RANBP2: variants seen among roughly 807,000 people sequenced by gnomAD.
The protein encoded by RANBP2 is RAN binding protein 2, also known as E3 SUMO-protein ligase RanBP2.
A neutral mutation model predicts 303.6 loss-of-function variants in RANBP2; 57 were observed. The observed-to-expected ratio is 0.19, with a 90% CI of 0.15 to 0.23. The LOEUF is 0.23. RANBP2 is among the 10% of genes least tolerant of loss of function. The pLI, the probability that RANBP2 is intolerant of heterozygous loss-of-function variation, is 1.00. For missense variants in RANBP2, 3,138 were observed against 3,780.8 expected (o/e 0.83, Z 4.46); for synonymous variants, 1,167 against 1,301.5 (o/e 0.90, Z 2.23).
At chr2:109,232,145 G>A in the RANBP2 span, among the ~76,000 whole-genome samples, 1 of 152,176 alleles carries the variant, frequency 6.6e-6, no homozygotes, top group African/African-American at 2.4e-5. Context: ...TCTTGTAGTG[G>A]AATGACCAGA....
chr2:109,547,966 T>C, the RANBP2 span, among the ~76,000 whole-genome samples: 22 of 152,254 alleles, frequency 1.4e-4, no homozygotes, highest in African/African-American at 5.1e-4. Flanking sequence ...GGGAGCAACG[T>C]CTCCCTGAGG....
At chr2:108,824,969 G>C in the RANBP2 span, among the ~76,000 whole-genome samples, 1 of 152,190 alleles carries the variant, frequency 6.6e-6, no homozygotes, top group African/African-American at 2.4e-5. Flanking sequence ...GAATGAAATT[G>C]AGTTGTTTCA....
At chr2:109,651,508 A>T in the RANBP2 span, among the ~76,000 whole-genome samples, 1 of 152,214 alleles carries the variant, frequency 6.6e-6, no homozygotes, top group African/African-American at 2.4e-5. Flanking sequence ...GTTGGCACCA[A>T]CAAGAAATAG....
At chr2:109,070,292 T>C in the RANBP2 span, among the ~76,000 whole-genome samples, 1 of 152,194 alleles carries the variant, frequency 6.6e-6, no homozygotes, top group African/African-American at 2.4e-5. Flanking sequence ...TGGGAAGTCA[T>C]TGAAATATTT....
chr2:108,973,906 A>G, the RANBP2 span, among the ~76,000 whole-genome samples: 1 of 152,216 alleles, frequency 6.6e-6, no homozygotes, highest in Admixed American at 6.5e-5. Flanking sequence ...CAAGGCTCTT[A>G]CCCATTTTAA....
chr2:109,249,489 C>CTT, the RANBP2 span, among the ~76,000 whole-genome samples: 4 of 22,510 alleles, frequency 1.8e-4, no homozygotes, highest in African/African-American at 1.5e-3. Flanking sequence ...TTCTTTCTTT[C>CTT]TTTCTTTCTT....
At chr2:109,110,236 A>G in the RANBP2 span, among the ~76,000 whole-genome samples, 8 of 152,244 alleles carry the variant, frequency 5.3e-5, no homozygotes, top group East Asian at 1.5e-3. Flanking sequence ...AGTAAATAGG[A>G]GGCATTGTTT....
chr2:109,657,720 T>G, the RANBP2 span, among the ~76,000 whole-genome samples: 1 of 141,580 alleles, frequency 7.1e-6, no homozygotes, highest in Non-Finnish European at 1.5e-5. Context: ...CTGAGTTTTT[T>G]TTTTTTTTTT....
the RANBP2 span, among the ~76,000 whole-genome samples, chr2:109,081,898 G>A: frequency 1.3e-5 from 2 of 152,228 alleles, no homozygotes; most frequent in Admixed American, 6.5e-5. Context: ...ACTGGGGGAT[G>A]GCCAGCTGTT....
chr2:109,666,937 T>C, the RANBP2 span, among the ~76,000 whole-genome samples: 1 of 152,208 alleles, frequency 6.6e-6, no homozygotes, highest in Non-Finnish European at 1.5e-5. Context: ...TATTTGTTCC[T>C]CTGCCTAGAA....
the RANBP2 span, chr2:109,613,980 C>T: frequency 1.7e-6 from 2 of 1,172,098 alleles, no homozygotes; most frequent in South Asian, 8.5e-5. Flanking sequence ...GGGGCGGGGC[C>T]GAGCTGGAGG....
chr2:109,516,996 G>A, the RANBP2 span, among the ~76,000 whole-genome samples: 1 of 152,134 alleles, frequency 6.6e-6, no homozygotes, highest in Non-Finnish European at 1.5e-5. Flanking sequence ...TTCGGGTAAG[G>A]GTGATCGCAG....
At chr2:109,184,443 G>A in the RANBP2 span, among the ~76,000 whole-genome samples, 1 of 152,196 alleles carries the variant, frequency 6.6e-6, no homozygotes, top group South Asian at 2.1e-4. Context: ...TATTGCTGTG[G>A]CGGGGCCCTG....
the RANBP2 span, among the ~76,000 whole-genome samples, chr2:109,069,510 C>A: frequency 1.3e-5 from 2 of 152,224 alleles, no homozygotes; most frequent in African/African-American, 4.8e-5. Flanking sequence ...TGAATGGCCT[C>A]TCCTGACAGA....
chr2:108,962,173 T>C, the RANBP2 span, among the ~76,000 whole-genome samples: 1 of 152,146 alleles, frequency 6.6e-6, no homozygotes, highest in Non-Finnish European at 1.5e-5. Context: ...TTCCTTAGGG[T>C]TCCCTGATGG....
At chr2:109,129,620 C>A in the RANBP2 span, 1 of 1,490,320 alleles carries the variant, frequency 6.7e-7, no homozygotes, top group Admixed American at 2.2e-5. Flanking sequence ...GAGGACAGGC[C>A]AGGCGAGCGA....
At chr2:108,726,254 C>T (rs1431971779) in intron 1 of RANBP2, among the ~76,000 whole-genome samples, 5 of 152,154 alleles carry the variant, frequency 3.3e-5, no homozygotes, top group Non-Finnish European at 7.3e-5. Context: ...GCTCGCCACC[C>T]GCTAGTTACA....
the RANBP2 span, among the ~76,000 whole-genome samples, chr2:109,492,426 T>G: frequency 6.6e-6 from 1 of 152,116 alleles, no homozygotes; most frequent in African/African-American, 2.4e-5. Context: ...GGAAGTCGCA[T>G]GTACACCTGC....
the RANBP2 span, among the ~76,000 whole-genome samples, chr2:109,086,607 T>C: frequency 6.6e-6 from 1 of 152,116 alleles, no homozygotes; most frequent in Non-Finnish European, 1.5e-5. Context: ...CTGCAACCTT[T>C]GTAAAGTGCA....
Sources: gnomAD v4.1 joint callset for allele counts (sites outside exome capture counted in the v4.1 genomes callset) on GRCh38, gnomAD v4.1.1 for gene constraint, MANE v1.5 for transcripts, NCBI Gene and HGNC (gene_info 2026-07-23, HGNC 2026-07-21) for gene names.